The following ZEB2 variants were observed in gnomAD, a reference collection of about 807,000 sequenced individuals.
The protein encoded by ZEB2 is zinc finger E-box-binding homeobox 2.
ZEB2 carries 6 observed loss-of-function variants against 99.9 expected under a neutral mutation model. That is an observed-to-expected ratio of 0.06 (90% CI 0.03 to 0.12). The LOEUF (loss-of-function observed/expected upper bound fraction) is 0.12, where lower values mean the gene tolerates loss of function less well. Ranked by LOEUF, ZEB2 falls within the 10% of genes least tolerant of loss-of-function variation. The pLI is 1.00. For missense variants in ZEB2, 969 were observed against 1,502.8 expected, an observed-to-expected ratio of 0.64 and a Z score of 5.87; for synonymous variants, 517 against 542.5, an observed-to-expected ratio of 0.95 and a Z score of 0.65.
intron 2 of ZEB2, among the ~76,000 whole-genome samples, chr2:144,499,186 TAAA>T (rs1479905101): frequency 3.3e-5 from 5 of 152,138 alleles, no homozygotes; most frequent in African/African-American, 2.4e-5. Flanking sequence ...AGAGGATGCT[TAAA>T]AAGCCCCACA....
At chr2:144,413,511 T>C (rs1046401341) in intron 4 of ZEB2, among the ~76,000 whole-genome samples, 5 of 152,092 alleles carry the variant, frequency 3.3e-5, no homozygotes, top group African/African-American at 1.2e-4. Context: ...ACTACTTCTA[T>C]TTTTCTCTCC....
intron 2 of ZEB2, among the ~76,000 whole-genome samples, chr2:144,473,083 G>A (rs1157222264): frequency 1.3e-5 from 2 of 152,154 alleles, no homozygotes; most frequent in African/African-American, 4.8e-5. Context: ...AGTCCCCATG[G>A]GCCAAGGCCA....
chr2:144,442,166 T>C (rs1037094356), intron 2 of ZEB2, among the ~76,000 whole-genome samples: 1 of 152,162 alleles, frequency 6.6e-6, no homozygotes, highest in African/African-American at 2.4e-5. Flanking sequence ...TATTCATACA[T>C]GACTATAAAG....
At chr2:144,405,848 G>A (rs1440164155) in intron 4 of ZEB2, among the ~76,000 whole-genome samples, 1 of 152,164 alleles carries the variant, frequency 6.6e-6, no homozygotes, top group Non-Finnish European at 1.5e-5. Context: ...AGCAACTTGT[G>A]TCATAAGATT....
At chr2:144,481,496 T>C (rs1250959344) in intron 2 of ZEB2, among the ~76,000 whole-genome samples, 1 of 152,206 alleles carries the variant, frequency 6.6e-6, no homozygotes, top group Non-Finnish European at 1.5e-5. Flanking sequence ...AAGGGAGACT[T>C]CTAAATTCTA....
chr2:144,389,969 T>C lies in ZEB2; in HGVS notation c.3127A>G (p.Ile1043Val). The change falls in exon 10 of 10, where the codon ATC becomes GTC. Residue 1043 changes from isoleucine to valine, a missense_variant. Around this residue, in one of 8 missense-constraint regions of ZEB2, gnomAD observed 17 missense variants for 116.9 expected, o/e 0.15. Transcript: ENST00000627532. The surrounding 1 kb of genome is among the most constrained non-coding windows in gnomAD (Gnocchi z 6.8). ...KKAFKHKHHL[I>V]EHSRLHSGEK... is the part of the protein sequence containing the mutation. ...CCCGAGTGAAGCCTTGAGTGCTCGA[T>C]AAGGTGGTGCTTGTGTTTAAACGCT... 6.2e-7 allele frequency: 1 copy of C among 1,606,986 alleles called. No homozygotes were observed. Among genetic ancestry groups the C allele is most frequent in the Non-Finnish European group, 8.5e-7 (1 of 1,180,000 alleles).
chr2:144,508,546 C>A (rs1395311650), intron 2 of ZEB2, among the ~76,000 whole-genome samples: 1 of 151,954 alleles, frequency 6.6e-6, no homozygotes, highest in Non-Finnish European at 1.5e-5. Context: ...TTATTTAAGC[C>A]CAAATGCAAC....
chr2:144,459,142 C>A (rs1449449477), intron 2 of ZEB2, among the ~76,000 whole-genome samples: 5 of 152,142 alleles, frequency 3.3e-5, no homozygotes, highest in Admixed American at 3.3e-4. Context: ...CCATAACCCA[C>A]GTCAGCCCAA....
intron 6 of ZEB2, among the ~76,000 whole-genome samples, chr2:144,401,656 C>G (rs891367000): frequency 1.3e-5 from 2 of 152,126 alleles, no homozygotes; most frequent in African/African-American, 4.8e-5. Flanking sequence ...TGAACATTCT[C>G]TGCTAGAATG....
At chr2:144,397,243 T>C (rs1447324319) in intron 8 of ZEB2, among the ~76,000 whole-genome samples, 1 of 152,232 alleles carries the variant, frequency 6.6e-6, no homozygotes, top group Non-Finnish European at 1.5e-5. Flanking sequence ...GAGTGCAAAC[T>C]TGCATGATAA....
chr2:144,463,276 T>C (rs1704220500), intron 2 of ZEB2: 3 of 152,108 alleles, frequency 2.0e-5, no homozygotes. Context: ...CCGAAGTTCT[T>C]GTTAGAAGTA....
chr2:144,492,215 T>C (rs988808012), intron 2 of ZEB2, among the ~76,000 whole-genome samples: 8 of 152,218 alleles, frequency 5.3e-5, no homozygotes, highest in African/African-American at 1.7e-4. Flanking sequence ...TGATTCTAAG[T>C]ACAGAAGGTA....
At chr2:144,426,001 A>G (rs1168975924) in intron 3 of ZEB2, among the ~76,000 whole-genome samples, 4 of 152,150 alleles carry the variant, frequency 2.6e-5, no homozygotes, top group Non-Finnish European at 5.9e-5. Flanking sequence ...AATAAAATAA[A>G]ATATATTTTA....
chr2:144,455,531 A>T (rs1704110844), intron 2 of ZEB2, among the ~76,000 whole-genome samples: 1 of 152,204 alleles, frequency 6.6e-6, no homozygotes, highest in Non-Finnish European at 1.5e-5. Flanking sequence ...GCTTCAATTA[A>T]AATGCCAAAA....
chr2:144,459,488 A>T (rs1351489779), intron 2 of ZEB2, among the ~76,000 whole-genome samples: 1 of 152,158 alleles, frequency 6.6e-6, no homozygotes, highest in Admixed American at 6.5e-5. Flanking sequence ...GTAATGATAT[A>T]CTTGTAAAGG....
At position 144,517,559 on chromosome 2, in the gene ZEB2, C is replaced by G. The variant is rs1705178844; in HGVS notation, c.-69-140G>C. On this transcript the variant is annotated intron_variant, in intron 1 of 9. Transcript: ENST00000627532. ...CGCCAAAGCGAAACTTCGGCGGCCC[C>G]CTCCCCGCCCCCCACCCCCAGCCTT... 51 of 665,740 alleles carry G rather than the reference C, an allele frequency of 7.7e-5. No homozygotes were observed. In the South Asian group the frequency reaches 7.7e-4, roughly 10 times the overall value. The allele number at this position is 665,740 out of a possible 1,614,324, so 41.2% of individuals were successfully genotyped here. A position where few individuals can be genotyped will look rare whatever the true frequency, so the allele number is the denominator to read the frequency against.
chr2:144,406,845 C>T (rs181600542), intron 4 of ZEB2, among the ~76,000 whole-genome samples: 47 of 152,142 alleles, frequency 3.1e-4, no homozygotes, highest in Admixed American at 2.9e-3. Flanking sequence ...CCTGGGAATC[C>T]GGTTAGGAGG....
intron 2 of ZEB2, among the ~76,000 whole-genome samples, chr2:144,508,078 G>A (rs1704974840): frequency 6.6e-6 from 1 of 152,168 alleles, no homozygotes; most frequent in Non-Finnish European, 1.5e-5. Context: ...AATACTGCAT[G>A]CTTGGTCGTT....
intron 2 of ZEB2, chr2:144,512,765 G>C (rs1705061916): frequency 7.8e-7 from 1 of 1,287,044 alleles, no homozygotes; most frequent in Non-Finnish European, 1.0e-6. Flanking sequence ...AAAACAAATA[G>C]ATCAGCCTAG....
Sources: gnomAD v4.1 joint callset for allele counts (sites outside exome capture counted in the v4.1 genomes callset) on GRCh38, gnomAD v4.1.1 for gene constraint, gnomAD v4.1.1 regional missense constraint, Gnocchi (gnomAD v3.1) non-coding constraint, MANE v1.5 for transcripts, NCBI Gene and HGNC (gene_info 2026-07-23, HGNC 2026-07-21) for gene names.